The following IRAK4 variants were observed in gnomAD, a reference collection of about 807,000 sequenced individuals.
IRAK4 encodes interleukin-1 receptor-associated kinase 4.
A neutral mutation model predicts 51.8 loss-of-function variants in IRAK4; 44 were observed. The ratio of observed to expected loss-of-function variants is 0.85; its 90% CI spans 0.67 to 1.09. The LOEUF (loss-of-function observed/expected upper bound fraction) is 1.09. IRAK4 is among the 50% of genes least tolerant of loss of function. The pLI is 0.00. For missense variants in IRAK4, 487 were observed against 538.0 expected (o/e 0.91, Z 0.94); for synonymous variants, 149 against 174.1 (o/e 0.86, Z 1.13).
chr12:43,762,026 T>C (rs1292529070), intron 1 of IRAK4, among the ~76,000 whole-genome samples: 1 of 143,074 alleles, frequency 7.0e-6, no homozygotes, highest in Non-Finnish European at 1.5e-5. Flanking sequence ...TTGAAAGAGA[T>C]GACACTTTTT....
At chr12:43,774,213 C>CAA (rs1263382116) in intron 6 of IRAK4, among the ~76,000 whole-genome samples, 184 bp downstream of exon 6, 16 of 152,142 alleles carry the variant, frequency 1.1e-4, no homozygotes, top group Non-Finnish European at 1.5e-5. Context: ...TACATATACT[C>CAA]ATATGCCTGG....
In IRAK4 at chr12:43,771,384, G is replaced by C. The variant is rs1940744859; in HGVS notation, c.307+19G>C. On this transcript the variant is annotated intron_variant, in intron 3 of 11. Coordinates refer to ENST00000613694, the MANE Select transcript of IRAK4 (RefSeq NM_016123.4). ...CTCCCAGGTAAACTGATTGTGACCA[G>C]GGTGTCCACAATTAGGGTGGAAAGA... The C allele has an allele frequency of 6.2e-7, 1 of 1,613,338 alleles. No homozygotes were observed. Among genetic ancestry groups the C allele is most frequent in the Non-Finnish European group, 8.5e-7 (1 of 1,179,338 alleles).
At position 43,772,938 on chromosome 12, in the gene IRAK4, T is replaced by C. The variant is rs1940921605; in HGVS notation, c.517T>C (p.Leu173=). ...TTTTCACAGTTTTTCATTTTATGAA[T>C]TGAAGAATGTCACAAATAACTTTGA... The part of the protein sequence containing the change: ...TRFHSFSFYE[L]KNVTNNFDER... The change falls in exon 5 of 12, where the codon TTG becomes CTG. Residue 173 remains leucine, a synonymous_variant. Transcript: ENST00000613694. 1.2e-6 allele frequency: 2 copies of C among 1,609,838 alleles called. No homozygotes were observed. The highest frequency in any genetic ancestry group is 4.5e-5 in the East Asian group (2 of 44,738).
chr12:43,773,045 A>T lies in IRAK4; in HGVS notation c.624A>T (p.Thr208=). The T allele has an allele frequency of 6.2e-7, 1 of 1,613,356 alleles. No homozygotes were observed. The highest frequency in any genetic ancestry group is 8.5e-7 in the Non-Finnish European group (1 of 1,179,476). Residue 208 remains threonine (T), a synonymous_variant, in exon 5 of 12, where the codon ACA becomes ACT. Transcript: ENST00000613694. ...GVVYKGYVNN[T]TVAVKKLAAM... is the part of the protein sequence containing the mutation. ...TATATAAAGGCTACGTAAATAACACAACTGTGGCAGTGAAGAAGCTTGCAG... is the reference window on the plus strand; with the variant it reads ...TATATAAAGGCTACGTAAATAACACTACTGTGGCAGTGAAGAAGCTTGCAG...
At chr12:43,759,813 A>G (rs1939263210) in intron 1 of IRAK4, among the ~76,000 whole-genome samples, 1 of 149,590 alleles carries the variant, frequency 6.7e-6, no homozygotes, top group African/African-American at 2.5e-5. Context: ...GGTTGCAGTG[A>G]GCCGAGATCG....
chr12:43,771,966 T>C (rs1417014083), intron 3 of IRAK4, among the ~76,000 whole-genome samples: 1 of 152,240 alleles, frequency 6.6e-6, no homozygotes, highest in Non-Finnish European at 1.5e-5. Flanking sequence ...AGGTGGCTCA[T>C]GGATCACTGT....
At chr12:43,785,474 A>T (rs958882369) in intron 10 of IRAK4, among the ~76,000 whole-genome samples, 2 of 152,046 alleles carry the variant, frequency 1.3e-5, no homozygotes, top group African/African-American at 2.4e-5. Context: ...CAAGAAGCAG[A>T]CCACCCTGTG....
chr12:43,789,512 AT>A lies in IRAK4; in HGVS notation c.*2799del, dbSNP rs1942424499. 1 of 152,194 alleles carries A rather than the reference AT, an allele frequency of 6.6e-6. No homozygotes were observed. The highest frequency in any genetic ancestry group is 1.5e-5 in the Non-Finnish European group (1 of 68,040). The allele number at this position is 152,194 out of a possible 1,614,324, so 9.4% of individuals were successfully genotyped here. A position where few individuals can be genotyped will look rare whatever the true frequency, so the allele number is the denominator to read the frequency against. On this transcript the variant is annotated 3_prime_UTR_variant, in exon 12 of 12. Transcript: ENST00000613694. ...TAAATTTGTAATTTTTAAGTTATAG[AT>A]TGTTTTTATTAAACACTTATGAATA...
intron 4 of IRAK4, among the ~76,000 whole-genome samples, 155 bp downstream of exon 4, chr12:43,772,517 A>G (rs747601738): frequency 6.6e-6 from 1 of 152,222 alleles, no homozygotes; most frequent in Non-Finnish European, 1.5e-5. Context: ...ATTAAGAACC[A>G]TCTTCATTGT....
Position 43,786,286 on chromosome 12 carries a change from A to G in IRAK4, c.1189-113A>G, listed in dbSNP as rs1942205817. 9 of 668,998 alleles carry G rather than the reference A, an allele frequency of 1.3e-5. No individual in the cohort carries two copies. The East Asian group carries it at 3.5e-4, about 26-fold the overall frequency. The allele number at this position is 668,998 out of a possible 1,614,324, so 41.4% of individuals were successfully genotyped here. On this transcript the variant is annotated intron_variant, in intron 10 of 11. Transcript: ENST00000613694. ...TAATAAGGTTTTAAGATAAGATAGT[A>G]AAATGAGAGCACATGTTATTACAAA...
At chr12:43,764,360 G>A (rs1939894617) in intron 1 of IRAK4, among the ~76,000 whole-genome samples, 1 of 152,300 alleles carries the variant, frequency 6.6e-6, no homozygotes, top group Non-Finnish European at 1.5e-5. Flanking sequence ...GGAGGCAGAG[G>A]TTGCAGTAAG....
chr12:43,784,328 A>C (rs532928965), intron 10 of IRAK4, among the ~76,000 whole-genome samples: 1 of 152,192 alleles, frequency 6.6e-6, no homozygotes, highest in Non-Finnish European at 1.5e-5. Flanking sequence ...TCTACTTTGC[A>C]GCGGAAGTCA....
chr12:43,785,306 T>C (rs1380244420), intron 10 of IRAK4, among the ~76,000 whole-genome samples: 1 of 152,036 alleles, frequency 6.6e-6, no homozygotes, highest in African/African-American at 2.4e-5. Context: ...CCTACACTTC[T>C]CTCCCTGTTA....
chr12:43,785,618 A>ATG (rs954548222), intron 10 of IRAK4, among the ~76,000 whole-genome samples: 7 of 144,974 alleles, frequency 4.8e-5, no homozygotes, highest in East Asian at 2.0e-4. Flanking sequence ...GTATATATAT[A>ATG]TGTGTGTATA....
rs769857009 is a variant in IRAK4 at position 43,772,955 on chromosome 12, T to C, written c.534T>C (p.Asn178=). ...TTTATGAATTGAAGAATGTCACAAA[T>C]AACTTTGATGAACGACCCATTTCTG... ...FSFYELKNVT[N]NFDERPISVG... Residue 178 remains asparagine, a synonymous_variant, in exon 5 of 12, where the codon AAT becomes AAC. Coordinates refer to ENST00000613694, the MANE Select transcript of IRAK4 (RefSeq NM_016123.4). 1.2e-5 allele frequency: 20 copies of C among 1,611,056 alleles called. No individual in the cohort carries two copies. The South Asian group carries it at 2.2e-4, about 18-fold the overall frequency.
rs1565685846 is a variant in IRAK4 at position 43,783,753 on chromosome 12, C to A, written c.1188+29C>A. The A allele has an allele frequency of 2.1e-6, 3 of 1,455,404 alleles. No individual in the cohort carries two copies. The South Asian group carries it at 3.5e-5, about 17-fold the overall frequency. The allele number at this position is 1,455,404 out of a possible 1,614,324, so 90.2% of individuals were successfully genotyped here. On this transcript the variant is annotated intron_variant, in intron 10 of 11. Coordinates refer to ENST00000613694, the MANE Select transcript of IRAK4 (RefSeq NM_016123.4). The stretch of plus-strand genomic sequence containing the variant: ...AATGAAATATTCATTTTCCTCAATC[C>A]TTTTTTCTCTGCTTTTGTAGTCTAA...
chr12:43,774,332 C>T (rs898763189), intron 6 of IRAK4, among the ~76,000 whole-genome samples: 1 of 152,122 alleles, frequency 6.6e-6, no homozygotes, highest in African/African-American at 2.4e-5. Context: ...GCAACCTCTG[C>T]CTCCCAGGTT....
intron 2 of IRAK4, among the ~76,000 whole-genome samples, chr12:43,770,639 TG>T (rs1466316678): frequency 3.3e-5 from 5 of 152,230 alleles, no homozygotes; most frequent in Admixed American, 6.5e-5. Context: ...CCTGTCTCTC[TG>T]TAATTCTTGC....
At chr12:43,782,230 A>G in intron 8 of IRAK4, 77 bp from the exon 9 acceptor site, 1 of 869,024 alleles carries the variant, frequency 1.2e-6, no homozygotes, top group African/African-American at 1.7e-5. Flanking sequence ...ATACATACGT[A>G]CATCTAGCTA....
Sources: allele counts gnomAD v4.1 joint callset (sites outside exome capture counted in the v4.1 genomes callset), GRCh38; gene constraint gnomAD v4.1.1; transcripts MANE v1.5; gene names NCBI Gene and HGNC (gene_info 2026-07-23, HGNC 2026-07-21).